The following RNF130 variants were observed in gnomAD, a reference collection of about 807,000 sequenced individuals.
RNF130 encodes the protein ring finger protein 130.
RNF130 carries 21 observed loss-of-function variants against 44.6 expected under a neutral mutation model. The observed-to-expected ratio is 0.47, with a 90% CI of 0.33 to 0.68. The LOEUF is 0.68. RNF130 is among the 30% of genes least tolerant of loss of function. The pLI is 0.02. For synonymous variants in RNF130, 214 were observed against 210.4 expected, an observed-to-expected ratio of 1.02 and a Z score of -0.15; for missense variants, 479 against 560.6, an observed-to-expected ratio of 0.85 and a Z score of 1.47.
At chr5:179,999,053 C>T (rs1406215042) in intron 3 of RNF130, among the ~76,000 whole-genome samples, 1 of 150,634 alleles carries the variant, frequency 6.6e-6, no homozygotes, top group Non-Finnish European at 1.5e-5. Flanking sequence ...GATGGAATAT[C>T]GCTTTGTCAC....
chr5:180,028,599 T>C (rs990279564), intron 2 of RNF130, among the ~76,000 whole-genome samples: 4 of 152,182 alleles, frequency 2.6e-5, no homozygotes, highest in African/African-American at 9.7e-5. Context: ...CTGATCCCGC[T>C]ACGTAGGTAT....
intron 3 of RNF130, among the ~76,000 whole-genome samples, chr5:179,992,635 T>G (rs1763112067): frequency 6.6e-6 from 1 of 152,232 alleles, no homozygotes; most frequent in African/African-American, 2.4e-5. Context: ...TCCTATAGTA[T>G]TATATTGACT....
chr5:179,954,781 C>T (rs940281304), downstream of RNF130, among the ~76,000 whole-genome samples: 1 of 152,162 alleles, frequency 6.6e-6, no homozygotes, highest in Non-Finnish European at 1.5e-5. Context: ...GGAGTGAACC[C>T]GTTTTCAATA....
chr5:180,050,476 C>T (rs1225482448), intron 1 of RNF130, among the ~76,000 whole-genome samples: 1 of 152,206 alleles, frequency 6.6e-6, no homozygotes, highest in Non-Finnish European at 1.5e-5. Flanking sequence ...ACGTTAACCT[C>T]GTCCAAAACC....
intron 7 of RNF130, among the ~76,000 whole-genome samples, chr5:179,923,954 C>T (rs922564265): frequency 1.3e-5 from 2 of 152,178 alleles, no homozygotes; most frequent in African/African-American, 2.4e-5. Flanking sequence ...ACTCAACAGA[C>T]GAGTATTAAA....
At position 179,970,464 on chromosome 5, in the gene RNF130, T is replaced by C. The variant is rs1248704734; in HGVS notation, c.891A>G (p.Glu297=). 1 of 1,613,662 alleles carries C rather than the reference T, an allele frequency of 6.2e-7. No individual in the cohort carries two copies. The highest frequency in any genetic ancestry group is 1.3e-5 in the African/African-American group (1 of 75,052). The change falls in exon 6 of 9, where the codon GAA becomes GAG. Residue 297 remains glutamate, a synonymous_variant. Coordinates refer to ENST00000521389, the MANE Select transcript of RNF130 (RefSeq NM_018434.6). ...GTTTGCACATAGGACAGGTACAATG[T>C]TCACTAAGCCAGGGATCCACGCAGG... ...HKSCVDPWLS[E]HCTCPMCKLN... is the part of the protein sequence containing the mutation.
chr5:180,013,640 T>C (rs1038624337), intron 2 of RNF130, among the ~76,000 whole-genome samples: 8 of 152,202 alleles, frequency 5.3e-5, no homozygotes, highest in African/African-American at 1.9e-4. Context: ...AACATAACAT[T>C]ATACAGCAAG....
Position 179,966,732 on chromosome 5 carries a change from T to C in RNF130, c.1150+74A>G, listed in dbSNP as rs1762457001. ...GTGTTGCAGGCTGAGGCGAGTGCCT[T>C]GACTCTCCTGATGGTCCCGAATGCC... On this transcript the variant is annotated intron_variant, in intron 7 of 8. Transcript: ENST00000521389. 10 of 1,359,100 alleles carry C rather than the reference T, an allele frequency of 7.4e-6. No homozygotes were observed. The South Asian group carries it at 1.2e-4, about 17-fold the overall frequency. The allele number at this position is 1,359,100 out of a possible 1,614,324, so 84.2% of individuals were successfully genotyped here.
chr5:179,968,283 A>C (rs564178686), intron 6 of RNF130, among the ~76,000 whole-genome samples: 13 of 151,924 alleles, frequency 8.6e-5, no homozygotes, highest in Non-Finnish European at 1.6e-4. Flanking sequence ...CGACAGAGCA[A>C]GACTGTCTCA....
At chr5:180,068,079 C>CA (rs1315954504) in intron 1 of RNF130, among the ~76,000 whole-genome samples, 7 of 152,178 alleles carry the variant, frequency 4.6e-5, no homozygotes, top group African/African-American at 1.7e-4. Context: ...AATTTCTATG[C>CA]AAAGCAAGAA....
intron 1 of RNF130, among the ~76,000 whole-genome samples, chr5:180,070,360 C>G (rs770409073): frequency 2.0e-4 from 31 of 152,208 alleles, no homozygotes; most frequent in African/African-American, 6.5e-4. Context: ...GAGTTGCGGA[C>G]AGGCTACAGT....
At chr5:179,984,560 T>C (rs1290873022) in intron 3 of RNF130, among the ~76,000 whole-genome samples, 1 of 152,216 alleles carries the variant, frequency 6.6e-6, no homozygotes, top group African/African-American at 2.4e-5. Context: ...CATTAATTTT[T>C]GAATGTTAAA....
intron 5 of RNF130, among the ~76,000 whole-genome samples, chr5:179,972,800 C>T (rs1220248643): frequency 6.6e-6 from 1 of 152,168 alleles, no homozygotes; most frequent in Non-Finnish European, 1.5e-5. Flanking sequence ...TTTAAAGCTG[C>T]ATGAGTACAG....
intron 7 of RNF130, among the ~76,000 whole-genome samples, chr5:179,928,985 T>C (rs917469643): frequency 6.6e-6 from 1 of 152,210 alleles, no homozygotes; most frequent in Admixed American, 6.5e-5. Context: ...GAACAAATTA[T>C]CTAACTTTTA....
intron 3 of RNF130, among the ~76,000 whole-genome samples, chr5:179,998,626 C>T (rs962768019): frequency 1.3e-5 from 2 of 151,970 alleles, no homozygotes; most frequent in African/African-American, 4.8e-5. Flanking sequence ...TGTGGCTTAA[C>T]ATGTGGCCAA....
rs772830142 is a variant in RNF130 at position 180,015,391 on chromosome 5, G to A, written c.443-2080C>T. The stretch of plus-strand genomic sequence containing the variant: ...GTCTCATTGCTTTATAATCACACCA[G>A]GTACAAACGGTTTTAGAAATCAGTT... On this transcript the variant is annotated intron_variant, in intron 2 of 8. Coordinates refer to ENST00000521389, the MANE Select transcript of RNF130 (RefSeq NM_018434.6). The A allele has an allele frequency of 7.6e-6, 4 of 527,338 alleles. No individual in the cohort carries two copies. In the African/African-American group the frequency reaches 7.7e-5, roughly 10 times the overall value. The allele number at this position is 527,338 out of a possible 1,614,324, so 32.7% of individuals were successfully genotyped here. A position where few individuals can be genotyped will look rare whatever the true frequency, so the allele number is the denominator to read the frequency against.
chr5:179,990,724 T>C (rs962139322), intron 3 of RNF130, among the ~76,000 whole-genome samples: 3 of 152,228 alleles, frequency 2.0e-5, no homozygotes, highest in Admixed American at 6.5e-5. Flanking sequence ...AGGAGCCCTC[T>C]GGTGGCCCTG....
chr5:180,064,902 A>C (rs1363976261), intron 1 of RNF130, among the ~76,000 whole-genome samples: 2 of 143,820 alleles, frequency 1.4e-5, no homozygotes, highest in Non-Finnish European at 3.0e-5. Context: ...CTAAAAGCCA[A>C]GTCCTGAACT....
intron 1 of RNF130, among the ~76,000 whole-genome samples, chr5:180,067,100 G>A (rs542149189): frequency 9.2e-5 from 14 of 152,282 alleles, no homozygotes; most frequent in Admixed American, 4.6e-4. Flanking sequence ...GATCTCAGAA[G>A]TTATCTAGTC....
Sources: gnomAD v4.1 joint callset for allele counts (sites outside exome capture counted in the v4.1 genomes callset) on GRCh38, gnomAD v4.1.1 for gene constraint, MANE v1.5 for transcripts, NCBI Gene and HGNC (gene_info 2026-07-23, HGNC 2026-07-21) for gene names.